Variants in STXBP5L observed in about 807,000 individuals in gnomAD.
STXBP5L encodes syntaxin-binding protein 5-like.
In STXBP5L, 65 loss-of-function variants were observed where a neutral mutation model predicts 144.5. The observed-to-expected ratio is 0.45, with a 90% CI of 0.37 to 0.55. STXBP5L has a LOEUF of 0.55. STXBP5L is among the 20% of genes least tolerant of loss of function. The probability of loss-of-function intolerance (pLI) is 0.00; values close to 1 mark genes in which losing one functional copy is unlikely to be tolerated. For synonymous variants in STXBP5L, 505 were observed against 469.6 expected, an observed-to-expected ratio of 1.08 and a Z score of -0.97; for missense variants, 1,298 against 1,405.5, an observed-to-expected ratio of 0.92 and a Z score of 1.22.
intron 19 of STXBP5L, chr3:121,282,205 A>G: frequency 6.5e-7 from 1 of 1,528,354 alleles, no homozygotes; most frequent in South Asian, 1.1e-5. Flanking sequence ...CTTTCACTTT[A>G]GACTTTTTTT....
At chr3:121,033,492 A>G (rs1186315470) in intron 3 of STXBP5L, among the ~76,000 whole-genome samples, 2 of 143,910 alleles carry the variant, frequency 1.4e-5, no homozygotes, top group Non-Finnish European at 3.0e-5. Context: ...TAGTGGGTGC[A>G]GTGCACCAGC....
chr3:121,370,530 T>C (rs956336422), intron 20 of STXBP5L, among the ~76,000 whole-genome samples: 1 of 152,190 alleles, frequency 6.6e-6, no homozygotes, highest in Non-Finnish European at 1.5e-5. Flanking sequence ...CTTGATAAAA[T>C]ACCCAGCCTC....
At chr3:121,282,241 G>T in intron 19 of STXBP5L, 1 of 1,602,710 alleles carries the variant, frequency 6.2e-7, no homozygotes, top group Non-Finnish European at 8.5e-7. Context: ...TGCTGCTGAT[G>T]CTGGTGGTCT....
intron 4 of STXBP5L, among the ~76,000 whole-genome samples, chr3:121,042,999 A>G (rs1339123611): frequency 6.6e-6 from 1 of 151,874 alleles, no homozygotes; most frequent in Non-Finnish European, 1.5e-5. Context: ...GTATACTTAC[A>G]GGCATAATTT....
intron 20 of STXBP5L, among the ~76,000 whole-genome samples, chr3:121,347,213 G>T (rs186535280): frequency 6.6e-6 from 1 of 151,948 alleles, no homozygotes; most frequent in Non-Finnish European, 1.5e-5. Context: ...ATAGGGAATC[G>T]TTTCCCCATT....
At chr3:121,036,638 T>G (rs1426352379) in intron 3 of STXBP5L, among the ~76,000 whole-genome samples, 1 of 152,124 alleles carries the variant, frequency 6.6e-6, no homozygotes, top group African/African-American at 2.4e-5. Context: ...TTAATCAGAT[T>G]GAGGAAGTTC....
intron 3 of STXBP5L, among the ~76,000 whole-genome samples, chr3:120,978,977 G>T (rs1941423002): frequency 6.6e-6 from 1 of 152,178 alleles, no homozygotes; most frequent in Non-Finnish European, 1.5e-5. Flanking sequence ...TCCCAGTTAT[G>T]CTGCTTGGGG....
At chr3:120,947,234 CTT>C (rs1204867391) in intron 2 of STXBP5L, among the ~76,000 whole-genome samples, 2 of 151,748 alleles carry the variant, frequency 1.3e-5, no homozygotes, top group African/African-American at 4.8e-5. Flanking sequence ...CACTTTTTGA[CTT>C]TGTCTAAAAC....
Position 121,194,909 on chromosome 3 carries a change from CTTTTTTT to C in STXBP5L, c.878-10995_878-10989del, listed in dbSNP as rs10717806. Among the ~76,000 whole-genome samples, 24 of 68,496 alleles carry C rather than the reference CTTTTTTT, an allele frequency of 3.5e-4. 1 individual carries two copies. Among genetic ancestry groups the C allele is most frequent in the South Asian group, 1.3e-3 (2 of 1,520 alleles). The allele number at this position is 68,496 out of a possible 152,430, so 44.9% of individuals were successfully genotyped here. ...TCTGAGATAGGTCCCTCTTTTCACT[CTTTTTTT>C]TTTTTTTTTTTTTTTTTTGAGATGA... On this transcript the variant is annotated intron_variant, in intron 9 of 26. Coordinates refer to ENST00000471454, the MANE Select transcript of STXBP5L (RefSeq NM_001308330.2).
chr3:121,275,942 T>C (rs926995047), intron 18 of STXBP5L, among the ~76,000 whole-genome samples: 1 of 152,104 alleles, frequency 6.6e-6, no homozygotes, highest in Non-Finnish European at 1.5e-5. Flanking sequence ...GGTCTTACTT[T>C]TTATCCACTC....
At chr3:121,109,998 A>G (rs769830949) in intron 5 of STXBP5L, among the ~76,000 whole-genome samples, 12 of 152,120 alleles carry the variant, frequency 7.9e-5, no homozygotes, top group Non-Finnish European at 1.6e-4. Flanking sequence ...TTGTTGGTTT[A>G]AAGTCTGTCT....
chr3:120,969,780 G>C (rs950456262), intron 3 of STXBP5L, among the ~76,000 whole-genome samples: 1 of 151,616 alleles, frequency 6.6e-6, no homozygotes, highest in Admixed American at 6.6e-5. Context: ...TCTTTTAATT[G>C]AAGACTTTTG....
chr3:120,978,491 T>G (rs1005198374), intron 3 of STXBP5L, among the ~76,000 whole-genome samples: 53 of 152,220 alleles, frequency 3.5e-4, no homozygotes, highest in African/African-American at 1.1e-3. Context: ...TTGGTTTGAA[T>G]TTCCTCCTGT....
rs149052304 is a variant in STXBP5L at position 120,985,504 on chromosome 3, T to C, written c.287+30467T>C. ...TATCAACTATAGTCACCATGCTGTGTAATAGATCTCTAAAACTAATTCTCC... is the reference window on the plus strand; with the variant it reads ...TATCAACTATAGTCACCATGCTGTGCAATAGATCTCTAAAACTAATTCTCC... On this transcript the variant is annotated intron_variant, in intron 3 of 26. Coordinates refer to ENST00000471454, the MANE Select transcript of STXBP5L (RefSeq NM_001308330.2). 1.6e-3 allele frequency among the ~76,000 whole-genome samples: 247 copies of C among 152,188 alleles called. 1 individual carries two copies. Among genetic ancestry groups the C allele is most frequent in the African/African-American group, 5.7e-3 (238 of 41,574 alleles).
chr3:121,110,617 C>G (rs149482893), intron 5 of STXBP5L, among the ~76,000 whole-genome samples: 2 of 152,102 alleles, frequency 1.3e-5, no homozygotes, highest in South Asian at 2.1e-4. Flanking sequence ...GATGGACTTG[C>G]CTTTGTAGGT....
intron 2 of STXBP5L, among the ~76,000 whole-genome samples, chr3:120,942,181 G>A (rs1048761244): frequency 4.0e-5 from 6 of 151,584 alleles, no homozygotes; most frequent in Non-Finnish European, 8.9e-5. Flanking sequence ...TATTTTATTA[G>A]CAGCTCCAAT....
At chr3:121,053,474 A>C (rs1172540675) in intron 5 of STXBP5L, among the ~76,000 whole-genome samples, 5 of 152,226 alleles carry the variant, frequency 3.3e-5, no homozygotes, top group African/African-American at 1.2e-4. Flanking sequence ...CAAACCTGAC[A>C]AAAACAAGAA....
chr3:121,158,975 C>A (rs1235403746), intron 9 of STXBP5L: 1 of 151,946 alleles, frequency 6.6e-6, no homozygotes, highest in African/African-American at 2.4e-5. Flanking sequence ...AACACATCAG[C>A]CTTGATGTCT....
chr3:120,951,000 A>G (rs897955461), intron 2 of STXBP5L, among the ~76,000 whole-genome samples: 3 of 152,116 alleles, frequency 2.0e-5, no homozygotes, highest in Non-Finnish European at 4.4e-5. Context: ...ATAATGCTGC[A>G]TATCTACAAC....
Sources: allele counts gnomAD v4.1 joint callset (sites outside exome capture counted in the v4.1 genomes callset), GRCh38; gene constraint gnomAD v4.1.1; transcripts MANE v1.5; gene names NCBI Gene and HGNC (gene_info 2026-07-23, HGNC 2026-07-21).